Variants in GSTCD observed in about 807,000 individuals in gnomAD.
GSTCD encodes the protein glutathione S-transferase C-terminal domain-containing protein.
GSTCD carries 44 observed loss-of-function variants against 68.3 expected under a neutral mutation model. The ratio of observed to expected loss-of-function variants is 0.64; its 90% CI spans 0.51 to 0.83. The LOEUF (loss-of-function observed/expected upper bound fraction) is 0.83, where lower values mean the gene tolerates loss of function less well. Ranked by LOEUF, GSTCD falls within the 40% of genes least tolerant of loss-of-function variation. The pLI, the probability that GSTCD is intolerant of heterozygous loss-of-function variation, is 0.00. For missense variants in GSTCD, 739 were observed against 735.9 expected, an observed-to-expected ratio of 1.00 and a Z score of -0.05; for synonymous variants, 273 against 255.2, an observed-to-expected ratio of 1.07 and a Z score of -0.67.
intron 5 of GSTCD, among the ~76,000 whole-genome samples, chr4:105,752,755 A>G (rs1373955465): frequency 6.6e-6 from 1 of 152,092 alleles, no homozygotes; most frequent in Non-Finnish European, 1.5e-5. Flanking sequence ...ACTTCAAATT[A>G]TCCATTCAAA....
At chr4:105,789,022 T>C (rs1316024078) in intron 5 of GSTCD, among the ~76,000 whole-genome samples, 1 of 152,124 alleles carries the variant, frequency 6.6e-6, no homozygotes, top group Non-Finnish European at 1.5e-5. Context: ...CAAGGGGAAG[T>C]GACCAAATCT....
intron 5 of GSTCD, among the ~76,000 whole-genome samples, chr4:105,748,114 G>C (rs1270801418): frequency 6.6e-6 from 1 of 151,996 alleles, no homozygotes; most frequent in Non-Finnish European, 1.5e-5. Context: ...AATTAGCTGT[G>C]CGTGGTGGTA....
chr4:105,831,498 A>G (rs571836871), intron 8 of GSTCD, among the ~76,000 whole-genome samples: 25 of 152,154 alleles, frequency 1.6e-4, no homozygotes, highest in Non-Finnish European at 3.5e-4. Context: ...TTGAGATTAA[A>G]TCTTGGCTCT....
At chr4:105,773,370 T>G (rs1346502281) in intron 5 of GSTCD, among the ~76,000 whole-genome samples, 1 of 152,018 alleles carries the variant, frequency 6.6e-6, no homozygotes, top group East Asian at 1.9e-4. Flanking sequence ...CAGTTCTGCT[T>G]TGATCTTAGT....
intron 11 of GSTCD, 33 bp from the exon 12 acceptor site, chr4:105,845,408 G>C (rs772776195): frequency 1.9e-6 from 3 of 1,612,972 alleles, no homozygotes; most frequent in East Asian, 4.5e-5. Flanking sequence ...CTAGTGAAAG[G>C]GTGTCTCATG....
At chr4:105,771,015 A>G (rs1328973207) in intron 5 of GSTCD, among the ~76,000 whole-genome samples, 1 of 152,090 alleles carries the variant, frequency 6.6e-6, no homozygotes, top group Non-Finnish European at 1.5e-5. Context: ...CTATTTCTCC[A>G]TATCCTCTCC....
intron 9 of GSTCD, among the ~76,000 whole-genome samples, chr4:105,836,451 G>C (rs573035402): frequency 6.6e-6 from 1 of 152,300 alleles, no homozygotes; most frequent in Admixed American, 6.5e-5. Context: ...CCAGGGACCT[G>C]CCCCTTTCTA....
chr4:105,735,568 T>G (rs1399372367), intron 5 of GSTCD, among the ~76,000 whole-genome samples: 2 of 152,180 alleles, frequency 1.3e-5, no homozygotes, highest in Non-Finnish European at 2.9e-5. Flanking sequence ...CCGGGTGCTG[T>G]GTGTCACCGC....
At position 105,823,278 on chromosome 4, in the gene GSTCD, A is replaced by G; in HGVS notation, c.1401+3A>G. 6.2e-7 allele frequency: 1 copy of G among 1,613,558 alleles called. No individual in the cohort carries two copies. The highest frequency in any genetic ancestry group is 8.5e-7 in the Non-Finnish European group (1 of 1,179,500). ...CTCACATGCTGCCATCATGTCAGGTAAAGCCAGAATAAGAGATAAAAGGAA... is the reference window on the plus strand; with the variant it reads ...CTCACATGCTGCCATCATGTCAGGTGAAGCCAGAATAAGAGATAAAAGGAA... On this transcript the variant is annotated splice_donor_region_variant and intron_variant, in intron 7 of 11. Coordinates refer to ENST00000515279, the MANE Select transcript of GSTCD (RefSeq NM_001370181.1).
At chr4:105,725,228 G>GT (rs527796891) in intron 3 of GSTCD, among the ~76,000 whole-genome samples, 34 of 152,116 alleles carry the variant, frequency 2.2e-4, no homozygotes, top group African/African-American at 7.9e-4. Flanking sequence ...CTGTACCACA[G>GT]TTTATCCATT....
chr4:105,833,395 G>A (rs747202079), intron 8 of GSTCD, among the ~76,000 whole-genome samples: 6 of 152,012 alleles, frequency 3.9e-5, no homozygotes, highest in Admixed American at 6.6e-5. Flanking sequence ...CCCGGGAGGC[G>A]GAGGTTGCAG....
At chr4:105,722,498 C>G (rs192397819) in intron 3 of GSTCD, among the ~76,000 whole-genome samples, 1 of 152,026 alleles carries the variant, frequency 6.6e-6, no homozygotes, top group Admixed American at 6.5e-5. Flanking sequence ...TCTCTGCTTA[C>G]ACTGCTCACC....
intron 5 of GSTCD, among the ~76,000 whole-genome samples, chr4:105,809,082 C>A (rs928258906): frequency 6.6e-6 from 1 of 152,062 alleles, no homozygotes; most frequent in Non-Finnish European, 1.5e-5. Context: ...ACAGAAAAAA[C>A]TCATATGCTG....
chr4:105,771,983 T>C (rs1734868372), intron 5 of GSTCD, among the ~76,000 whole-genome samples: 1 of 152,318 alleles, frequency 6.6e-6, no homozygotes, highest in South Asian at 2.1e-4. Context: ...TTTCACGATA[T>C]TGATTCTTCC....
At chr4:105,825,870 A>G in intron 8 of GSTCD, 70 bp downstream of exon 8, 1 of 935,908 alleles carries the variant, frequency 1.1e-6, no homozygotes, top group Non-Finnish European at 1.6e-6. Context: ...TAGAGTAAAT[A>G]AAAAAGATAA....
At chr4:105,749,765 T>TA (rs1396367397) in intron 5 of GSTCD, among the ~76,000 whole-genome samples, 7 of 152,168 alleles carry the variant, frequency 4.6e-5, no homozygotes, top group Non-Finnish European at 1.5e-5. Context: ...AGGCAATGTG[T>TA]TCTTATATGT....
At chr4:105,754,894 G>A (rs1193790885) in intron 5 of GSTCD, among the ~76,000 whole-genome samples, 1 of 151,682 alleles carries the variant, frequency 6.6e-6, no homozygotes, top group East Asian at 1.9e-4. Context: ...AAACTTAGCT[G>A]TAAAAGGCAA....
At chr4:105,825,153 A>G (rs1283343237) in intron 7 of GSTCD, among the ~76,000 whole-genome samples, 2 of 151,818 alleles carry the variant, frequency 1.3e-5, no homozygotes. Context: ...TGTTTGAGAC[A>G]GATTCTCCCT....
intron 1 of GSTCD, among the ~76,000 whole-genome samples, chr4:105,710,241 T>TA (rs1422965059): frequency 8.2e-4 from 109 of 132,856 alleles, no homozygotes; most frequent in Middle Eastern, 3.8e-3. Context: ...AATTTTTTTT[T>TA]TTTTTTTTTT....
Sources: allele counts gnomAD v4.1 joint callset (sites outside exome capture counted in the v4.1 genomes callset), GRCh38; gene constraint gnomAD v4.1.1; transcripts MANE v1.5; gene names NCBI Gene and HGNC (gene_info 2026-07-23, HGNC 2026-07-21).